The following HIVEP1 variants were observed in gnomAD, a reference collection of about 807,000 sequenced individuals.
HIVEP1 encodes the protein HIVEP zinc finger 1.
A neutral mutation model predicts 180.0 loss-of-function variants in HIVEP1; 36 were observed. The ratio of observed to expected loss-of-function variants is 0.20; its 90% CI spans 0.15 to 0.26. The LOEUF (loss-of-function observed/expected upper bound fraction) is 0.26. Ranked by LOEUF, HIVEP1 falls within the 10% of genes least tolerant of loss-of-function variation. The pLI, the probability that HIVEP1 is intolerant of heterozygous loss-of-function variation, is 1.00. For synonymous variants in HIVEP1, 1,239 were observed against 1,239.0 expected (o/e 1.00, Z 0.00); for missense variants, 3,143 against 3,268.7 (o/e 0.96, Z 0.94).
chr6:12,059,190 A>G (rs1357709025), intron 2 of HIVEP1, among the ~76,000 whole-genome samples: 1 of 152,154 alleles, frequency 6.6e-6, no homozygotes, highest in Non-Finnish European at 1.5e-5. Flanking sequence ...ATTTGATACC[A>G]CTGTACCTAG....
chr6:12,181,197 A>G, the HIVEP1 span, among the ~76,000 whole-genome samples: 5 of 151,694 alleles, frequency 3.3e-5, no homozygotes, highest in African/African-American at 1.2e-4. Flanking sequence ...CATCTCTACT[A>G]AAAACACAAA....
At chr6:12,211,411 AAAAG>A in the HIVEP1 span, among the ~76,000 whole-genome samples, 22,903 of 117,690 alleles carry the variant, frequency 0.19, 2,952 homozygotes, top group East Asian at 0.27. Flanking sequence ...AAAAAAAAAA[AAAAG>A]AAAAAGAAAA....
At chr6:12,156,184 C>T (rs190274696) in intron 7 of HIVEP1, among the ~76,000 whole-genome samples, 1 of 152,138 alleles carries the variant, frequency 6.6e-6, no homozygotes. Context: ...AAAATTTTCT[C>T]CCATTCTGTA....
intron 3 of HIVEP1, among the ~76,000 whole-genome samples, chr6:12,118,098 A>G (rs1023280895): frequency 6.6e-5 from 10 of 150,424 alleles, no homozygotes; most frequent in Admixed American, 2.6e-4. Flanking sequence ...ACTTTTTTCT[A>G]TTGTTCTTTA....
the HIVEP1 span, among the ~76,000 whole-genome samples, chr6:12,209,733 T>C: frequency 2.0e-5 from 3 of 152,236 alleles, no homozygotes; most frequent in African/African-American, 7.2e-5. Context: ...TATACATGCA[T>C]AGATACACTT....
Position 12,122,355 on chromosome 6 carries a change from A to G in HIVEP1, c.2560A>G (p.Ile854Val), listed in dbSNP as rs369089019. 5.2e-5 allele frequency: 84 copies of G among 1,614,152 alleles called. No individual in the cohort carries two copies. Among genetic ancestry groups the G allele is most frequent in the Non-Finnish European group, 1.4e-5 (16 of 1,180,054 alleles). ...AGGTTATTCAGCAGTACCTGCAAAT[A>G]TAATACCTCCTCCTCATCCACTAAG... ...TTGYSAVPAN[I>V]IPPPHPLRGS... Residue 854 changes from isoleucine to valine, a missense_variant, in exon 4 of 9, where the codon ATA becomes GTA. Around this residue, in one of 12 missense-constraint regions of HIVEP1, gnomAD observed 204 missense variants for 243.7 expected, o/e 0.84. Coordinates refer to ENST00000379388, the MANE Select transcript of HIVEP1 (RefSeq NM_002114.4).
rs1488597494 is a variant in HIVEP1 at position 12,122,475 on chromosome 6, C to T, written c.2680C>T (p.Arg894Cys). Residue 894 changes from arginine to cysteine, a missense_variant, in exon 4 of 9, where the codon CGT (arginine) becomes TGT (cysteine). By Grantham distance (180) the Arg-to-Cys change is radical. Transcript: ENST00000379388. ...NAPVPQSGHP[R>C]TLVRQAAIED... ...TCCTGTGCCCCAGAGTGGGCATCCC[C>T]GTACACTTGTGAGACAAGCAGCCAT... 2.5e-6 allele frequency: 4 copies of T among 1,614,064 alleles called. No individual in the cohort carries two copies. The highest frequency in any genetic ancestry group is 1.3e-5 in the African/African-American group (1 of 74,902).
Position 12,123,708 on chromosome 6 carries a change from A to T in HIVEP1, c.3913A>T (p.Ser1305Cys), listed in dbSNP as rs753702629. 2 of 1,613,946 alleles carry T rather than the reference A, an allele frequency of 1.2e-6. No homozygotes were observed. The highest frequency in any genetic ancestry group is 4.5e-5 in the East Asian group (2 of 44,886). ...GAGCTTTGATTCCACTCTCTCCAGG[A>T]GTCTAAGTAGGGAGAGCAGTTTATC... ...ESSFDSTLSR[S>C]LSRESSLSHT... The change falls in exon 4 of 9, where the codon AGT becomes TGT. Residue 1305 changes from serine (S) to cysteine (C), a missense_variant. This residue lies in a region of HIVEP1 where 1,357 missense variants were observed against 1,260.5 expected (regional missense o/e 1.08). Transcript: ENST00000379388.
intron 7 of HIVEP1, among the ~76,000 whole-genome samples, chr6:12,140,208 C>A (rs1197015014): frequency 6.6e-6 from 1 of 152,202 alleles, no homozygotes; most frequent in Non-Finnish European, 1.5e-5. Context: ...GCTGGTGATA[C>A]CCAGGCATAC....
chr6:12,211,343 T>A, the HIVEP1 span, among the ~76,000 whole-genome samples: 1 of 101,698 alleles, frequency 9.8e-6, no homozygotes, highest in African/African-American at 4.6e-5. Flanking sequence ...GAGCTTGCAG[T>A]GAGCCGAGAT....
rs539040637 is a variant in HIVEP1 at position 12,050,416 on chromosome 6, T to G, written c.40+34748T>G. ...CTGGCTAACACGGTGAAACCCTGTC[T>G]CTACTAAAAATTCAAAAACACTAGC... On this transcript the variant is annotated intron_variant, in intron 2 of 8. Transcript: ENST00000379388. 3.3e-5 allele frequency among the ~76,000 whole-genome samples: 5 copies of G among 152,088 alleles called. No individual in the cohort carries two copies. The East Asian group carries it at 9.7e-4, about 29-fold the overall frequency.
At chr6:12,051,001 C>CATAT (rs1161977899) in intron 2 of HIVEP1, among the ~76,000 whole-genome samples, 4,945 of 77,502 alleles carry the variant, frequency 0.064, 329 homozygotes, top group East Asian at 0.16. Context: ...TACACAAGTG[C>CATAT]ATATATATAT....
Position 12,121,127 on chromosome 6 carries a change from G to A in HIVEP1, c.1332G>A (p.Lys444=). The A allele has an allele frequency of 6.2e-7, 1 of 1,614,182 alleles. No homozygotes were observed. The highest frequency in any genetic ancestry group is 8.5e-7 in the Non-Finnish European group (1 of 1,180,036). ...GTGTGACTTGTGGATTTTCATTTAA[G>A]ACTAAAAGTAATCTGTATAAGCACA... The part of the protein sequence containing the change: ...YPCVTCGFSF[K]TKSNLYKHKK... Residue 444 remains lysine (K), a synonymous_variant, in exon 4 of 9, where the codon AAG becomes AAA. Transcript: ENST00000379388. The surrounding 1 kb of genome is among the most constrained non-coding windows in gnomAD (Gnocchi z 5.3).
At chr6:12,071,226 C>T (rs750185545) in intron 2 of HIVEP1, among the ~76,000 whole-genome samples, 1 of 152,132 alleles carries the variant, frequency 6.6e-6, no homozygotes, top group East Asian at 1.9e-4. Flanking sequence ...CAGACACTTC[C>T]CTCGGTTATG....
At chr6:12,126,519 C>G (rs1561979099) in intron 4 of HIVEP1, among the ~76,000 whole-genome samples, 1 of 152,176 alleles carries the variant, frequency 6.6e-6, no homozygotes, top group Non-Finnish European at 1.5e-5. Context: ...GAATCAGTCT[C>G]ATTAGAATTA....
At chr6:12,168,332 TA>T, downstream of HIVEP1, among the ~76,000 whole-genome samples, 1 of 32,988 alleles carries the variant, frequency 3.0e-5, no homozygotes, top group South Asian at 7.3e-4. Context: ...ATATATTATA[TA>T]ATTATATATA....
At chr6:12,188,686 G>C in the HIVEP1 span, among the ~76,000 whole-genome samples, 1 of 151,960 alleles carries the variant, frequency 6.6e-6, no homozygotes, top group East Asian at 1.9e-4. Context: ...AAATGCTAAT[G>C]AGTAACATAA....
chr6:12,067,569 CAATGGCGTAG>C (rs1183747587), intron 2 of HIVEP1, among the ~76,000 whole-genome samples: 1 of 152,028 alleles, frequency 6.6e-6, no homozygotes, highest in Non-Finnish European at 1.5e-5. Context: ...GAGTAGGCGC[CAATGGCGTAG>C]AATGGTTTGG....
chr6:12,124,771 T>C lies in HIVEP1; in HGVS notation c.4976T>C (p.Leu1659Pro), dbSNP rs201630740. Residue 1659 changes from leucine (L) to proline (P), a missense_variant, in exon 4 of 9, where the codon CTA becomes CCA. By Grantham distance (98) the Leu-to-Pro change is moderately conservative. This residue lies in a region of HIVEP1 where 1,357 missense variants were observed against 1,260.5 expected (regional missense o/e 1.08). Transcript: ENST00000379388. ...FATLTSLPQILVTQDLPNQPI... is the reference protein window; with the variant it reads ...FATLTSLPQIPVTQDLPNQPI... ...ACACTCACATCCCTGCCACAAATAC[T>C]AGTGACCCAAGATCTGCCCAATCAG... 1.2e-6 allele frequency: 2 copies of C among 1,614,054 alleles called. No homozygotes were observed. The highest frequency in any genetic ancestry group is 2.7e-5 in the African/African-American group (2 of 74,914).
Sources: gnomAD v4.1 joint callset for allele counts (sites outside exome capture counted in the v4.1 genomes callset) on GRCh38, gnomAD v4.1.1 for gene constraint, gnomAD v4.1.1 regional missense constraint, Gnocchi (gnomAD v3.1) non-coding constraint, MANE v1.5 for transcripts, NCBI Gene and HGNC (gene_info 2026-07-23, HGNC 2026-07-21) for gene names.